The following DHX30 variants were observed in gnomAD, a reference collection of about 807,000 sequenced individuals.
DHX30 encodes DExH-box helicase 30, also known as ATP-dependent RNA helicase DHX30.
A neutral mutation model predicts 116.9 loss-of-function variants in DHX30; 4 were observed. The ratio of observed to expected loss-of-function variants is 0.03; its 90% CI spans 0.02 to 0.08. The LOEUF is 0.08. Ranked by LOEUF, DHX30 falls within the 10% of genes least tolerant of loss-of-function variation. The pLI is 1.00. For synonymous variants in DHX30, 697 were observed against 651.7 expected (o/e 1.07, Z -1.06); for missense variants, 871 against 1,595.1 (o/e 0.55, Z 7.73).
At chr3:47,808,041 G>T (rs982449745) in intron 2 of DHX30, among the ~76,000 whole-genome samples, 2 of 152,008 alleles carry the variant, frequency 1.3e-5, no homozygotes, top group African/African-American at 4.8e-5. Context: ...CTCCCACGTA[G>T]TTGGGATTAC....
chr3:47,815,744 A>G (rs920787490), intron 3 of DHX30, among the ~76,000 whole-genome samples: 1 of 150,316 alleles, frequency 6.7e-6, no homozygotes, highest in African/African-American at 2.4e-5. Context: ...AAAAAAAAAA[A>G]AAAAAAAGAG....
chr3:47,809,693 C>A (rs921352912), intron 2 of DHX30, among the ~76,000 whole-genome samples: 1 of 152,066 alleles, frequency 6.6e-6, no homozygotes, highest in East Asian at 1.9e-4. Flanking sequence ...CTGAAAGATT[C>A]CGCCCCAGGT....
intron 9 of DHX30, 59 bp downstream of exon 9, chr3:47,843,314 C>T: frequency 6.3e-7 from 1 of 1,598,734 alleles, no homozygotes; most frequent in Non-Finnish European, 8.5e-7. Context: ...TCCCCTCTGC[C>T]AGTGGCAAAT....
intron 6 of DHX30, among the ~76,000 whole-genome samples, chr3:47,829,948 C>T (rs2036763823): frequency 6.6e-6 from 1 of 150,558 alleles, no homozygotes; most frequent in Admixed American, 6.6e-5. Flanking sequence ...TCTCCTGCCT[C>T]AGCCTCCCAA....
chr3:47,809,568 G>A (rs999865116), intron 2 of DHX30, among the ~76,000 whole-genome samples: 4 of 152,088 alleles, frequency 2.6e-5, no homozygotes, highest in African/African-American at 9.7e-5. Context: ...TAAAGTAAAT[G>A]TTATCATTGT....
chr3:47,837,818 G>T (rs1394769024), intron 6 of DHX30, among the ~76,000 whole-genome samples: 2 of 152,224 alleles, frequency 1.3e-5, no homozygotes, highest in African/African-American at 4.8e-5. Context: ...CTCCTGGACA[G>T]TTGAGGAGGT....
At chr3:47,830,440 TC>T (rs1283315950) in intron 6 of DHX30, among the ~76,000 whole-genome samples, 1 of 151,394 alleles carries the variant, frequency 6.6e-6, no homozygotes, top group East Asian at 2.0e-4. Flanking sequence ...AGGATGAGAC[TC>T]CGTCACAAAA....
At chr3:47,810,293 T>G (rs1221838773) in intron 2 of DHX30, among the ~76,000 whole-genome samples, 1 of 152,154 alleles carries the variant, frequency 6.6e-6, no homozygotes, top group African/African-American at 2.4e-5. Context: ...GCAAGTATTA[T>G]GATAACTAGG....
chr3:47,847,781 T>C lies in DHX30; in HGVS notation c.2111T>C (p.Val704Ala), dbSNP rs1392779466. The C allele has an allele frequency of 6.2e-7, 1 of 1,613,036 alleles. No homozygotes were observed. Among genetic ancestry groups the C allele is most frequent in the Non-Finnish European group, 8.5e-7 (1 of 1,179,274 alleles). ...AACTGGTGTGTGTCTTGCCCACCAG[T>C]GCACTCCAACATCCCCATGATGGAT... ...MHESKYLILP[V>A]HSNIPMMDQK... The change falls in exon 14 of 22, where the codon GTG (valine) becomes GCG (alanine). Residue 704 changes from valine (V) to alanine (A), a missense_variant and splice_region_variant. Physicochemically the swap from Val to Ala is moderately conservative, Grantham distance 64. Coordinates refer to ENST00000445061, the MANE Select transcript of DHX30 (RefSeq NM_138615.3). The surrounding 1 kb of genome is among the most constrained non-coding windows in gnomAD (Gnocchi z 5.5).
intron 4 of DHX30, among the ~76,000 whole-genome samples, chr3:47,826,608 G>T (rs1281086703): frequency 6.6e-6 from 1 of 152,090 alleles, no homozygotes; most frequent in African/African-American, 2.4e-5. Context: ...ACCAGGCCTG[G>T]CTAATTTTTT....
intron 9 of DHX30, among the ~76,000 whole-genome samples, chr3:47,844,793 A>G (rs1257660019): frequency 1.3e-5 from 2 of 152,220 alleles, no homozygotes; most frequent in Non-Finnish European, 2.9e-5. Context: ...TTAGGTATGT[A>G]GGGAGGTAAG....
intron 6 of DHX30, among the ~76,000 whole-genome samples, chr3:47,833,315 A>G (rs1056737932): frequency 6.6e-6 from 1 of 151,730 alleles, no homozygotes; most frequent in African/African-American, 2.4e-5. Flanking sequence ...ACTTGAGTCC[A>G]CGAGTTTGAG....
Position 47,845,798 on chromosome 3 carries a change from C to T in DHX30, c.1038C>T (p.Cys346=). ...TGGGTGAGACCCAGCGCCGACCATG[C>T]ACCATCCAGGTGCCCGAGCCCATCC... ...RELGETQRRP[C]TIQVPEPILR... The change falls in exon 10 of 22, where the codon TGC becomes TGT. Residue 346 remains cysteine, a synonymous_variant. Transcript: ENST00000445061. The T allele has an allele frequency of 6.2e-7, 1 of 1,611,582 alleles. No individual in the cohort carries two copies. The highest frequency in any genetic ancestry group is 8.5e-7 in the Non-Finnish European group (1 of 1,177,854).
chr3:47,839,116 A>G (rs1036094682), intron 6 of DHX30, among the ~76,000 whole-genome samples: 1 of 151,982 alleles, frequency 6.6e-6, no homozygotes, highest in African/African-American at 2.4e-5. Context: ...GGTGGCCAAC[A>G]TGTTGCTGCG....
At position 47,810,356 on chromosome 3, in the gene DHX30, T is replaced by G. The variant is rs1004643081; in HGVS notation, c.-27-301T>G. 2.0e-5 allele frequency among the ~76,000 whole-genome samples: 3 copies of G among 152,188 alleles called. No homozygotes were observed. The East Asian group carries it at 5.8e-4, about 29-fold the overall frequency. On this transcript the variant is annotated intron_variant, in intron 2 of 21. Coordinates refer to ENST00000445061, the MANE Select transcript of DHX30 (RefSeq NM_138615.3). ...CTGGGAAGGAAACCTGTAAGTATTA[T>G]GATGAACTAGATAGAACTACATGTC...
chr3:47,809,491 AC>A (rs1285491498), intron 2 of DHX30, among the ~76,000 whole-genome samples: 3 of 151,200 alleles, frequency 2.0e-5, no homozygotes, highest in African/African-American at 7.3e-5. Flanking sequence ...TGATCCGCCC[AC>A]CTCGGCCTCC....
intron 3 of DHX30, chr3:47,815,885 C>G: frequency 3.1e-6 from 3 of 975,760 alleles, no homozygotes; most frequent in Non-Finnish European, 3.7e-6. Flanking sequence ...ACAACTCTCT[C>G]CCAATTGCTG....
chr3:47,819,649 C>G (rs973587379), intron 4 of DHX30, among the ~76,000 whole-genome samples: 4 of 152,200 alleles, frequency 2.6e-5, no homozygotes, highest in Non-Finnish European at 4.4e-5. Context: ...AGATGTGTTG[C>G]AGCAACAGTC....
intron 6 of DHX30, among the ~76,000 whole-genome samples, chr3:47,829,997 A>G (rs926634106): frequency 1.3e-5 from 2 of 151,004 alleles, no homozygotes; most frequent in African/African-American, 2.4e-5. Context: ...ATGCCCGACT[A>G]ATTTTTGTAT....
Sources: allele counts gnomAD v4.1 joint callset (sites outside exome capture counted in the v4.1 genomes callset), GRCh38; gene constraint gnomAD v4.1.1; non-coding constraint Gnocchi (gnomAD v3.1); transcripts MANE v1.5; gene names NCBI Gene and HGNC (gene_info 2026-07-23, HGNC 2026-07-21).